Variants in PHKB observed in about 807,000 individuals in gnomAD.
PHKB encodes phosphorylase kinase regulatory subunit beta.
In PHKB, 122 loss-of-function variants were observed where a neutral mutation model predicts 152.1. The ratio of observed to expected loss-of-function variants is 0.80; its 90% CI spans 0.69 to 0.93. The LOEUF is 0.93. PHKB is among the 40% of genes least tolerant of loss of function. PHKB has a pLI of 0.00. For missense variants in PHKB, 1,304 were observed against 1,328.4 expected, an observed-to-expected ratio of 0.98 and a Z score of 0.29; for synonymous variants, 436 against 464.9, an observed-to-expected ratio of 0.94 and a Z score of 0.80.
chr16:47,669,123 C>A, intron 25 of PHKB, 92 bp from the exon 26 acceptor site: 1 of 905,916 alleles, frequency 1.1e-6, no homozygotes. Flanking sequence ...AGAGTAATTT[C>A]AGCCTGCCAG....
At chr16:47,617,733 T>C (rs1423104947) in intron 14 of PHKB, among the ~76,000 whole-genome samples, 1 of 152,214 alleles carries the variant, frequency 6.6e-6, no homozygotes, top group Non-Finnish European at 1.5e-5. Context: ...AGTAGTCTGC[T>C]ACTCCCACCA....
chr16:47,635,755 A>G (rs1054160485), intron 14 of PHKB, among the ~76,000 whole-genome samples: 6 of 152,226 alleles, frequency 3.9e-5, no homozygotes, highest in Non-Finnish European at 7.3e-5. Flanking sequence ...CTGCAGTCAG[A>G]CTGCCTGGGT....
At position 47,461,377 on chromosome 16, in the gene PHKB, A is replaced by G. The variant is rs374068481; in HGVS notation, c.27A>G (p.Ala9=). 1.7e-5 allele frequency: 28 copies of G among 1,612,642 alleles called. No individual in the cohort carries two copies. The African/African-American group carries it at 3.6e-4, about 21-fold the overall frequency. The change falls in exon 1 of 31, where the codon GCA becomes GCG. Residue 9 remains alanine (A), a synonymous_variant. Transcript: ENST00000323584. MAGAAGLT[A]EVSWKVLERR... ...TGGCGGGGGCGGCGGGACTCACGGC[A>G]GAAGTGAGCTGGAAGGTCTTGGAGC...
intron 14 of PHKB, among the ~76,000 whole-genome samples, chr16:47,631,157 T>A (rs1215533068): frequency 6.6e-6 from 1 of 152,206 alleles, no homozygotes; most frequent in African/African-American, 2.4e-5. Context: ...CTCTCTTTCC[T>A]GTTTCTCTAG....
At chr16:47,604,787 A>G (rs1405076868) in intron 13 of PHKB, among the ~76,000 whole-genome samples, 1 of 152,210 alleles carries the variant, frequency 6.6e-6, no homozygotes, top group African/African-American at 2.4e-5. Flanking sequence ...TGAAAAAAAA[A>G]TTAATTAACT....
chr16:47,649,297 G>GACACAGAT (rs1454847027), intron 18 of PHKB, 93 bp downstream of exon 18: 1 of 787,890 alleles, frequency 1.3e-6, no homozygotes, highest in Non-Finnish European at 2.3e-6. Context: ...AGGTATCTGT[G>GACACAGAT]ACACTGGGTT....
At chr16:47,633,009 T>C (rs1248592807) in intron 14 of PHKB, among the ~76,000 whole-genome samples, 1 of 152,204 alleles carries the variant, frequency 6.6e-6, no homozygotes, top group Non-Finnish European at 1.5e-5. Context: ...ACCGTACACT[T>C]AAAAATGGTT....
chr16:47,571,498 G>A (rs1971657635), intron 7 of PHKB, among the ~76,000 whole-genome samples: 2 of 152,068 alleles, frequency 1.3e-5, no homozygotes, highest in Admixed American at 6.5e-5. Flanking sequence ...CTATATTCTG[G>A]ACATTTAGAT....
intron 20 of PHKB, among the ~76,000 whole-genome samples, chr16:47,654,130 A>C (rs1973288515): frequency 6.6e-6 from 1 of 152,244 alleles, no homozygotes; most frequent in African/African-American, 2.4e-5. Context: ...ACGAGTGATC[A>C]AACAACAGAG....
intron 1 of PHKB, among the ~76,000 whole-genome samples, chr16:47,494,142 G>T (rs1176062278): frequency 6.6e-6 from 1 of 152,134 alleles, no homozygotes; most frequent in African/African-American, 2.4e-5. Context: ...GCTGATTGCT[G>T]GTAAAGTGGT....
chr16:47,632,336 T>C (rs1372647934), intron 14 of PHKB, among the ~76,000 whole-genome samples: 1 of 152,098 alleles, frequency 6.6e-6, no homozygotes, highest in Non-Finnish European at 1.5e-5. Context: ...TATCAAAAGG[T>C]GTAAAGATGA....
At chr16:47,616,523 A>G (rs986962722) in intron 14 of PHKB, among the ~76,000 whole-genome samples, 2 of 145,790 alleles carry the variant, frequency 1.4e-5, no homozygotes, top group African/African-American at 5.0e-5. Flanking sequence ...ATAAATATAT[A>G]TTTATAATAT....
In PHKB at chr16:47,543,779, T is replaced by C. The variant is rs573992864; in HGVS notation, c.595-3654T>C. Among the ~76,000 whole-genome samples, 9 of 152,332 alleles carry C rather than the reference T, an allele frequency of 5.9e-5. No homozygotes were observed. The South Asian group carries it at 1.7e-3, about 28-fold the overall frequency. ...TCAATTTCTTCTAGATTTTCTACTT[T>C]ATTTGAATAGAGGTGTTTGTAGTAT... On this transcript the variant is annotated intron_variant, in intron 6 of 30. Transcript: ENST00000323584.
chr16:47,556,812 T>C (rs1971379422), intron 7 of PHKB, among the ~76,000 whole-genome samples: 1 of 152,304 alleles, frequency 6.6e-6, no homozygotes, highest in East Asian at 1.9e-4. Context: ...TTCCCTCTTT[T>C]TCTATTGATT....
chr16:47,530,871 C>T (rs189241864), intron 6 of PHKB, among the ~76,000 whole-genome samples: 31 of 152,284 alleles, frequency 2.0e-4, no homozygotes, highest in African/African-American at 7.2e-4. Context: ...GATACTGATT[C>T]TTGCTATATT....
At chr16:47,526,342 A>G (rs146194349) in intron 6 of PHKB, among the ~76,000 whole-genome samples, 2,519 of 152,192 alleles carry the variant, frequency 0.017, 70 homozygotes, top group African/African-American at 0.056. Context: ...TCCGAGAGGC[A>G]GAGTTTGCAG....
intron 1 of PHKB, among the ~76,000 whole-genome samples, chr16:47,471,468 C>G (rs762706664): frequency 6.6e-6 from 1 of 152,076 alleles, no homozygotes; most frequent in African/African-American, 2.4e-5. Context: ...GACAAAAAGG[C>G]GGGGAGCAAC....
chr16:47,676,854 A>G (rs997642731), intron 26 of PHKB, among the ~76,000 whole-genome samples: 1 of 152,200 alleles, frequency 6.6e-6, no homozygotes, highest in Non-Finnish European at 1.5e-5. Context: ...CCAATCAACT[A>G]CTTTCTGCTG....
At chr16:47,573,740 C>T (rs1971702321) in intron 7 of PHKB, among the ~76,000 whole-genome samples, 1 of 152,192 alleles carries the variant, frequency 6.6e-6, no homozygotes, top group Non-Finnish European at 1.5e-5. Flanking sequence ...GCTCACCTCT[C>T]ATTTCTGATC....
Sources: gnomAD v4.1 joint callset for allele counts (sites outside exome capture counted in the v4.1 genomes callset) on GRCh38, gnomAD v4.1.1 for gene constraint, MANE v1.5 for transcripts, NCBI Gene and HGNC (gene_info 2026-07-23, HGNC 2026-07-21) for gene names.